Variants in KLHL29 observed in about 807,000 individuals in gnomAD.
KLHL29 encodes the protein kelch-like protein 29.
In KLHL29, 21 loss-of-function variants were observed where a neutral mutation model predicts 80.4. The observed-to-expected ratio is 0.26, with a 90% CI of 0.19 to 0.38. The LOEUF (loss-of-function observed/expected upper bound fraction) is 0.38. KLHL29 is among the 10% of genes least tolerant of loss of function. The pLI, the probability that KLHL29 is intolerant of heterozygous loss-of-function variation, is 1.00. For missense variants in KLHL29, 867 were observed against 1,223.9 expected, an observed-to-expected ratio of 0.71 and a Z score of 4.35; for synonymous variants, 511 against 526.8, an observed-to-expected ratio of 0.97 and a Z score of 0.41.
intron 2 of KLHL29, among the ~76,000 whole-genome samples, chr2:23,541,655 G>A (rs1666838007): frequency 6.6e-6 from 1 of 151,938 alleles, no homozygotes; most frequent in South Asian, 2.1e-4. Flanking sequence ...GTCAGAGGCA[G>A]CAACCCTTCC....
intron 2 of KLHL29, among the ~76,000 whole-genome samples, chr2:23,483,223 T>A (rs1182722470): frequency 1.3e-5 from 2 of 152,146 alleles, no homozygotes; most frequent in Non-Finnish European, 2.9e-5. Flanking sequence ...ACTAGCTTAG[T>A]TTGATCAAAA....
At chr2:23,523,609 T>C (rs1666179160) in intron 2 of KLHL29, among the ~76,000 whole-genome samples, 2 of 152,164 alleles carry the variant, frequency 1.3e-5, no homozygotes, top group African/African-American at 4.8e-5. Flanking sequence ...GAGTCTCCTA[T>C]TTGGGTGGAC....
At chr2:23,459,879 G>T (rs1439226044) in intron 1 of KLHL29, among the ~76,000 whole-genome samples, 1 of 152,210 alleles carries the variant, frequency 6.6e-6, no homozygotes, top group Non-Finnish European at 1.5e-5. Flanking sequence ...TTTGGATAGA[G>T]TGATGGGCTA....
chr2:23,557,534 G>A (rs1444215020), intron 2 of KLHL29, among the ~76,000 whole-genome samples: 3 of 152,092 alleles, frequency 2.0e-5, no homozygotes, highest in Non-Finnish European at 4.4e-5. Flanking sequence ...TCAGGGTGGG[G>A]GACGGGAGTG....
At chr2:23,530,377 G>T (rs1666455179) in intron 2 of KLHL29, among the ~76,000 whole-genome samples, 1 of 152,294 alleles carries the variant, frequency 6.6e-6, no homozygotes, top group Middle Eastern at 3.4e-3. Context: ...AGTGGTGATG[G>T]TATTTAATAA....
chr2:23,416,627 A>C (rs542455669), intron 1 of KLHL29, among the ~76,000 whole-genome samples: 4 of 152,124 alleles, frequency 2.6e-5, no homozygotes. Flanking sequence ...CAATAGATCC[A>C]TTGTCTATGA....
intron 2 of KLHL29, among the ~76,000 whole-genome samples, chr2:23,504,571 G>A (rs1367479067): frequency 2.0e-5 from 3 of 152,252 alleles, no homozygotes; most frequent in Admixed American, 6.5e-5. Context: ...AGGGGGCACA[G>A]GGGGCAGGGA....
intron 5 of KLHL29, among the ~76,000 whole-genome samples, chr2:23,662,688 C>T (rs1670444989): frequency 6.6e-6 from 1 of 152,186 alleles, no homozygotes; most frequent in Non-Finnish European, 1.5e-5. Flanking sequence ...AAGGGGTCTG[C>T]CCCTCCCAGG....
intron 3 of KLHL29, among the ~76,000 whole-genome samples, chr2:23,610,503 A>G (rs1187434316): frequency 2.0e-5 from 3 of 152,210 alleles, no homozygotes; most frequent in Non-Finnish European, 4.4e-5. Context: ...AGACGTGGTC[A>G]TCTCTCCTCA....
chr2:23,392,870 G>GT (rs1209994647), intron 1 of KLHL29, among the ~76,000 whole-genome samples: 1 of 152,172 alleles, frequency 6.6e-6, no homozygotes, highest in Non-Finnish European at 1.5e-5. Context: ...AATCAATCTA[G>GT]TAGAAGGAAT....
At chr2:23,455,811 G>T (rs1334605650) in intron 1 of KLHL29, among the ~76,000 whole-genome samples, 1 of 152,016 alleles carries the variant, frequency 6.6e-6, no homozygotes, top group Non-Finnish European at 1.5e-5. Flanking sequence ...GCACTGAATT[G>T]TGTCTCCCCA....
chr2:23,480,499 C>CA (rs61231002), intron 2 of KLHL29, among the ~76,000 whole-genome samples: 9 of 151,488 alleles, frequency 5.9e-5, no homozygotes, highest in South Asian at 2.1e-4. Context: ...CAAAAAAAAA[C>CA]AAAAAAAAAC....
In KLHL29 at chr2:23,511,748, T is replaced by A. The variant is rs1572367378; in HGVS notation, c.-46+36081T>A. The stretch of plus-strand genomic sequence containing the variant: ...ACATCGTCACTTAACAAAGGTTTGT[T>A]TGCTGGCTTAAGAGTTTCAGATGTT... On this transcript the variant is annotated intron_variant, in intron 2 of 13. Coordinates refer to ENST00000486442, the MANE Select transcript of KLHL29 (RefSeq NM_052920.2). Among the ~76,000 whole-genome samples, 4 of 152,346 alleles carry A rather than the reference T, an allele frequency of 2.6e-5. No homozygotes were observed. In the East Asian group the frequency reaches 7.7e-4, roughly 29 times the overall value.
chr2:23,637,439 G>T (rs1669645634), intron 3 of KLHL29, among the ~76,000 whole-genome samples: 1 of 152,196 alleles, frequency 6.6e-6, no homozygotes, highest in African/African-American at 2.4e-5. Context: ...AATGGGGCAG[G>T]CCCTCTGATA....
chr2:23,629,882 A>G (rs1415116949), intron 3 of KLHL29, among the ~76,000 whole-genome samples: 1 of 152,192 alleles, frequency 6.6e-6, no homozygotes, highest in Non-Finnish European at 1.5e-5. Context: ...GCCTGGCACG[A>G]GCCTGGAGCA....
intron 2 of KLHL29, among the ~76,000 whole-genome samples, chr2:23,536,350 G>T (rs970994410): frequency 1.3e-5 from 2 of 152,326 alleles, no homozygotes; most frequent in Non-Finnish European, 2.9e-5. Context: ...ATTAGAGTAC[G>T]CTGTGTGGAC....
In KLHL29 at chr2:23,435,856, G is replaced by A. The variant is rs186867271; in HGVS notation, c.-153-39704G>A. The stretch of plus-strand genomic sequence containing the variant: ...CAGCAATGAATGGCCCCAGGCTGTT[G>A]TGCTTAGCTAGTTCTGGGTTTTCTT... On this transcript the variant is annotated intron_variant, in intron 1 of 13. Coordinates refer to ENST00000486442, the MANE Select transcript of KLHL29 (RefSeq NM_052920.2). Among the ~76,000 whole-genome samples, 363 of 150,422 alleles carry A rather than the reference G, an allele frequency of 2.4e-3. 1 individual carries two copies. The highest frequency in any genetic ancestry group is 4.2e-3 in the Non-Finnish European group (281 of 67,672).
In KLHL29 at chr2:23,642,759, G is replaced by A; in HGVS notation, c.849G>A (p.Gly283=). 1.9e-6 allele frequency: 3 copies of A among 1,550,304 alleles called. No homozygotes were observed. Among genetic ancestry groups the A allele is most frequent in the Non-Finnish European group, 2.6e-6 (3 of 1,146,820 alleles). The change falls in exon 5 of 14, where the codon GGG becomes GGA. Residue 283 remains glycine, a synonymous_variant. Transcript: ENST00000486442. The part of the protein sequence containing the change: ...TLPSGAPATN[G]PPTTDSAHGL... Reference sequence around the variant, plus strand: ...CCAGTGGTGCCCCTGCCACCAATGGGCCCCCCACAACCGACTCGGCCCACG... The same window carrying A: ...CCAGTGGTGCCCCTGCCACCAATGGACCCCCCACAACCGACTCGGCCCACG...
intron 1 of KLHL29, among the ~76,000 whole-genome samples, chr2:23,397,403 G>A (rs1666476773): frequency 6.6e-6 from 1 of 152,242 alleles, no homozygotes; most frequent in Non-Finnish European, 1.5e-5. Context: ...TTGTTAAGGA[G>A]GACCTCTGGG....
Sources: allele counts gnomAD v4.1 joint callset (sites outside exome capture counted in the v4.1 genomes callset), GRCh38; gene constraint gnomAD v4.1.1; transcripts MANE v1.5; gene names NCBI Gene and HGNC (gene_info 2026-07-23, HGNC 2026-07-21).